Variants in CD9 observed in about 807,000 individuals in gnomAD.
CD9 encodes the protein CD9 antigen.
CD9 carries 10 observed loss-of-function variants against 31.4 expected under a neutral mutation model. That is an observed-to-expected ratio of 0.32 (90% CI 0.20 to 0.54). CD9 has a LOEUF of 0.54. Among genes scored for constraint, CD9 ranks in the 20% least tolerant of loss-of-function variants. The probability of loss-of-function intolerance (pLI) is 0.94; values close to 1 mark genes in which losing one functional copy is unlikely to be tolerated. For synonymous variants in CD9, 113 were observed against 114.1 expected (o/e 0.99, Z 0.06); for missense variants, 259 against 300.1 (o/e 0.86, Z 1.01).
intron 1 of CD9, among the ~76,000 whole-genome samples, chr12:6,216,548 C>G (rs1199981693): frequency 6.6e-6 from 1 of 152,162 alleles, no homozygotes; most frequent in Non-Finnish European, 1.5e-5. Context: ...GGTTAATTTG[C>G]CCACGGAAGC....
At chr12:6,233,131 C>A in intron 3 of CD9, 1 of 692,506 alleles carries the variant, frequency 1.4e-6, no homozygotes, top group South Asian at 1.5e-5. Context: ...GTTGCCTGCT[C>A]ACTGACTCTT....
In CD9 at chr12:6,200,538, G is replaced by A. The variant is rs372584325; in HGVS notation, c.39G>A (p.Leu13=). 14 of 1,610,778 alleles carry A rather than the reference G, an allele frequency of 8.7e-6. No homozygotes were observed. Among genetic ancestry groups the A allele is most frequent in the Non-Finnish European group, 1.1e-5 (13 of 1,177,878 alleles). Residue 13 remains leucine, a synonymous_variant, in exon 1 of 8, where the codon CTG becomes CTA. Coordinates refer to ENST00000009180, the MANE Select transcript of CD9 (RefSeq NM_001769.4). ...VKGGTKCIKY[L]LFGFNFIFWL... ...GAGGCACCAAGTGCATCAAATACCT[G>A]CTGTTCGGATTTAACTTCATCTTCT...
chr12:6,210,943 TGAA>T (rs1198732691), intron 1 of CD9, among the ~76,000 whole-genome samples: 1 of 151,740 alleles, frequency 6.6e-6, no homozygotes, highest in East Asian at 1.9e-4. Context: ...TTCAAGCGAT[TGAA>T]CAGCCTCAGC....
At chr12:6,236,074 G>C (rs772502088) in intron 6 of CD9, 118 bp from the exon 7 acceptor site, 36 of 1,513,246 alleles carry the variant, frequency 2.4e-5, no homozygotes, top group Admixed American at 4.2e-5. Context: ...GAACACTCCT[G>C]TCCCCAGCCC....
At chr12:6,227,426 G>A (rs1946383501) in intron 2 of CD9, among the ~76,000 whole-genome samples, 2 of 152,156 alleles carry the variant, frequency 1.3e-5, no homozygotes, top group Admixed American at 6.5e-5. Context: ...TCCAACTCCC[G>A]ACCTCAGGTG....
At position 6,218,298 on chromosome 12, in the gene CD9, C is replaced by T. The variant is rs371871891; in HGVS notation, c.67-7128C>T. ...GGGACCTGGAGGAAAAGGGGGCCCA[C>T]GCCAAGAGCACCCAGTTTGTTTGAC... is the stretch of plus-strand genomic sequence containing the variant. On this transcript the variant is annotated intron_variant, in intron 1 of 7. Transcript: ENST00000009180. 8.1e-4 allele frequency among the ~76,000 whole-genome samples: 123 copies of T among 152,154 alleles called. 1 individual carries two copies. The highest frequency in any genetic ancestry group is 2.5e-3 in the African/African-American group (103 of 41,510).
chr12:6,220,204 A>C (rs866717742), intron 1 of CD9, among the ~76,000 whole-genome samples: 2 of 152,194 alleles, frequency 1.3e-5, no homozygotes, highest in Non-Finnish European at 2.9e-5. Context: ...TGGGTGGGGA[A>C]GCAGCAGGCT....
At chr12:6,216,100 C>T (rs1445209123) in intron 1 of CD9, among the ~76,000 whole-genome samples, 1 of 152,156 alleles carries the variant, frequency 6.6e-6, no homozygotes, top group African/African-American at 2.4e-5. Context: ...GGCCCGGCTT[C>T]CTGAGGAGTG....
At chr12:6,221,485 C>T (rs1017631123) in intron 1 of CD9, among the ~76,000 whole-genome samples, 1 of 152,114 alleles carries the variant, frequency 6.6e-6, no homozygotes, top group Non-Finnish European at 1.5e-5. Context: ...GGGCAGCCAT[C>T]GAAGAAATTA....
At chr12:6,218,989 A>C (rs1473725963) in intron 1 of CD9, among the ~76,000 whole-genome samples, 1 of 152,076 alleles carries the variant, frequency 6.6e-6, no homozygotes, top group Non-Finnish European at 1.5e-5. Flanking sequence ...GAGGACAGCA[A>C]TGCATGGGTT....
chr12:6,212,799 C>T (rs1036191524), intron 1 of CD9, among the ~76,000 whole-genome samples: 2 of 152,164 alleles, frequency 1.3e-5, no homozygotes, highest in African/African-American at 4.8e-5. Context: ...AGAAGTTGGC[C>T]TCCCCAGGGA....
At chr12:6,218,422 A>ACCACGTTCAACCCACTGCTCTTTTCCT (rs2136615840) in intron 1 of CD9, among the ~76,000 whole-genome samples, 2 of 152,140 alleles carry the variant, frequency 1.3e-5, no homozygotes, top group Non-Finnish European at 2.9e-5. Flanking sequence ...CCACACTGAA[A>ACCACGTTCAACCCACTGCTCTTTTCCT]CCACGTTCAA....
At chr12:6,209,765 A>G (rs992973172) in intron 1 of CD9, among the ~76,000 whole-genome samples, 1 of 149,254 alleles carries the variant, frequency 6.7e-6, no homozygotes, top group Non-Finnish European at 1.5e-5. Flanking sequence ...GCTCACTGCA[A>G]CCTCTGCCTC....
At chr12:6,205,369 C>T (rs573216588) in intron 1 of CD9, among the ~76,000 whole-genome samples, 17 of 152,330 alleles carry the variant, frequency 1.1e-4, no homozygotes, top group African/African-American at 1.4e-4. Context: ...TTCTTTTCAA[C>T]GTGGCCCACA....
chr12:6,205,529 C>A (rs185329418), intron 1 of CD9, among the ~76,000 whole-genome samples: 2 of 152,328 alleles, frequency 1.3e-5, no homozygotes, highest in East Asian at 3.9e-4. Context: ...GCTCACAAAT[C>A]AGCCTTCTCA....
chr12:6,228,692 C>T lies in CD9; in HGVS notation c.175+3158C>T, dbSNP rs546601209. On this transcript the variant is annotated intron_variant, in intron 2 of 7. Coordinates refer to ENST00000009180, the MANE Select transcript of CD9 (RefSeq NM_001769.4). ...CATGGGCAAAGGGCCAAGGAGGCGT[C>T]GCTCTGTGTCCCCTTCCCCACGAGG... is the stretch of plus-strand genomic sequence containing the variant. Among the ~76,000 whole-genome samples, 206 of 152,300 alleles carry T rather than the reference C, an allele frequency of 1.4e-3. 1 individual carries two copies. Among genetic ancestry groups the T allele is most frequent in the African/African-American group, 4.7e-3 (194 of 41,554 alleles).
chr12:6,212,554 A>G (rs1315686052), intron 1 of CD9, among the ~76,000 whole-genome samples: 1 of 152,160 alleles, frequency 6.6e-6, no homozygotes, highest in Non-Finnish European at 1.5e-5. Flanking sequence ...CCTTCCACCC[A>G]GGAGCCCCCC....
At chr12:6,218,535 A>G (rs557848590) in intron 1 of CD9, among the ~76,000 whole-genome samples, 1 of 152,290 alleles carries the variant, frequency 6.6e-6, no homozygotes, top group Admixed American at 6.5e-5. Context: ...GAACCTCCCC[A>G]GGTTCTAACT....
At chr12:6,216,697 A>G (rs1287155123) in intron 1 of CD9, among the ~76,000 whole-genome samples, 3 of 152,056 alleles carry the variant, frequency 2.0e-5, no homozygotes, top group African/African-American at 7.2e-5. Context: ...TGTGAAGCAG[A>G]TAAGTTTATC....
Sources: gnomAD v4.1 joint callset for allele counts (sites outside exome capture counted in the v4.1 genomes callset) on GRCh38, gnomAD v4.1.1 for gene constraint, MANE v1.5 for transcripts, NCBI Gene and HGNC (gene_info 2026-07-23, HGNC 2026-07-21) for gene names.